Variants in GRID1 observed in about 807,000 individuals in gnomAD.
GRID1 encodes the protein glutamate ionotropic receptor delta type subunit 1.
GRID1 carries 28 observed loss-of-function variants against 98.0 expected under a neutral mutation model. The ratio of observed to expected loss-of-function variants is 0.29; its 90% confidence interval spans 0.21 to 0.39. The LOEUF is 0.39. Ranked by LOEUF, GRID1 falls within the 10% of genes least tolerant of loss-of-function variation. The pLI, the probability that GRID1 is intolerant of heterozygous loss-of-function variation, is 1.00. For synonymous variants in GRID1, 553 were observed against 538.5 expected, an observed-to-expected ratio of 1.03 and a Z score of -0.37; for missense variants, 1,111 against 1,340.5, an observed-to-expected ratio of 0.83 and a Z score of 2.67.
chr10:86,174,795 G>GA (rs1387483303), intron 3 of GRID1, among the ~76,000 whole-genome samples: 1 of 151,034 alleles, frequency 6.6e-6, no homozygotes, highest in Admixed American at 6.6e-5. Context: ...AAACTTACAA[G>GA]AAAAAAACAA....
At chr10:86,146,183 AT>A (rs1357962441) in intron 3 of GRID1, among the ~76,000 whole-genome samples, 1 of 152,212 alleles carries the variant, frequency 6.6e-6, no homozygotes, top group African/African-American at 2.4e-5. Context: ...ATATATATAC[AT>A]GAAGGCTGCC....
intron 3 of GRID1, among the ~76,000 whole-genome samples, chr10:86,164,636 A>T (rs1845371809): frequency 6.6e-6 from 1 of 152,176 alleles, no homozygotes; most frequent in Admixed American, 6.5e-5. Flanking sequence ...GGTCAGGGAG[A>T]GTTTCCCAAG....
chr10:86,140,085 G>A (rs941977322), intron 3 of GRID1, among the ~76,000 whole-genome samples: 1 of 152,216 alleles, frequency 6.6e-6, no homozygotes, highest in African/African-American at 2.4e-5. Flanking sequence ...AGTTCCATGA[G>A]CCAGTGAATG....
chr10:86,352,736 C>A (rs1347218005), intron 2 of GRID1, among the ~76,000 whole-genome samples: 4 of 152,188 alleles, frequency 2.6e-5, no homozygotes, highest in Non-Finnish European at 4.4e-5. Context: ...CACTTCTAGA[C>A]CTTCCCCCAG....
intron 12 of GRID1, among the ~76,000 whole-genome samples, chr10:85,678,289 TG>T (rs1213752239): frequency 6.6e-6 from 1 of 151,766 alleles, no homozygotes; most frequent in Non-Finnish European, 1.5e-5. Context: ...AGCAGAGGAG[TG>T]ATTTTTTGTT....
At position 86,118,420 on chromosome 10, in the gene GRID1, A is replaced by G. The variant is rs561797511; in HGVS notation, c.726+20399T>C. Among the ~76,000 whole-genome samples the G allele has an allele frequency of 1.3e-3, 198 of 152,260 alleles. 1 individual carries two copies. Among genetic ancestry groups the G allele is most frequent in the African/African-American group, 4.5e-3 (189 of 41,540 alleles). ...GTGATGGGTGCACCAAAATCTCAGA[A>G]ATCACCACTAAAGAATTTATTCATG... On this transcript the variant is annotated intron_variant, in intron 4 of 15. Coordinates refer to ENST00000327946, the MANE Select transcript of GRID1 (RefSeq NM_017551.3).
At chr10:85,962,053 G>A (rs1427094318) in intron 4 of GRID1, among the ~76,000 whole-genome samples, 1 of 152,246 alleles carries the variant, frequency 6.6e-6, no homozygotes, top group Admixed American at 6.5e-5. Flanking sequence ...AGGAAGAAAG[G>A]CAGAGGGAGG....
At chr10:86,356,661 G>A (rs1310232904) in intron 2 of GRID1, among the ~76,000 whole-genome samples, 3 of 152,274 alleles carry the variant, frequency 2.0e-5, no homozygotes, top group Non-Finnish European at 4.4e-5. Context: ...CATGAAAGCT[G>A]CTGGGAGTTT....
chr10:86,340,828 C>T (rs2132109643), intron 2 of GRID1, among the ~76,000 whole-genome samples: 1 of 152,224 alleles, frequency 6.6e-6, no homozygotes, highest in East Asian at 1.9e-4. Context: ...TGCCTGGAGG[C>T]GGTGGCCCTG....
intron 12 of GRID1, among the ~76,000 whole-genome samples, chr10:85,677,838 G>A (rs919323453): frequency 2.0e-5 from 3 of 152,122 alleles, no homozygotes; most frequent in Non-Finnish European, 2.9e-5. Context: ...ACAATGGGGG[G>A]AGGTGAAGAG....
At chr10:85,801,007 ATTAT>A (rs1037706800) in intron 8 of GRID1, among the ~76,000 whole-genome samples, 2 of 152,036 alleles carry the variant, frequency 1.3e-5, no homozygotes, top group African/African-American at 4.8e-5. Context: ...AACCTCTGGG[ATTAT>A]TGATTTGGAG....
chr10:85,735,803 A>G (rs1381180520), intron 8 of GRID1, among the ~76,000 whole-genome samples: 1 of 149,848 alleles, frequency 6.7e-6, no homozygotes, highest in Admixed American at 6.7e-5. Context: ...GAAGGGAGGA[A>G]GGAAGGAGGG....
intron 4 of GRID1, among the ~76,000 whole-genome samples, chr10:85,962,986 C>T (rs1378067968): frequency 1.3e-5 from 2 of 152,178 alleles, no homozygotes; most frequent in African/African-American, 2.4e-5. Flanking sequence ...CTCTGCTAGG[C>T]ATAAGAAGCA....
rs528968054 is a variant in GRID1 at position 85,687,725 on chromosome 10, G to A, written c.1997+35278C>T. 5.1e-3 allele frequency among the ~76,000 whole-genome samples: 772 copies of A among 152,232 alleles called. 2 individuals carry two copies. Among genetic ancestry groups the A allele is most frequent in the African/African-American group, 0.018 (729 of 41,542 alleles). ...ATGGCAGAAACAGAGAGTATGAGAC[G>A]AGGGATTTTAAAAAGAACACAAACG... On this transcript the variant is annotated intron_variant, in intron 12 of 15. Coordinates refer to ENST00000327946, the MANE Select transcript of GRID1 (RefSeq NM_017551.3).
intron 8 of GRID1, among the ~76,000 whole-genome samples, chr10:85,768,616 C>T (rs1842221190): frequency 6.6e-6 from 1 of 152,058 alleles, no homozygotes; most frequent in South Asian, 2.1e-4. Context: ...AAAACAAATG[C>T]CTCTAAAACA....
chr10:85,629,662 T>C (rs77471697), intron 13 of GRID1, among the ~76,000 whole-genome samples: 3,637 of 152,352 alleles, frequency 0.024, 153 homozygotes, highest in African/African-American at 0.081. Context: ...ATCTTTGCTA[T>C]TGTGAATAGA....
chr10:85,691,026 T>C lies in GRID1; in HGVS notation c.1997+31977A>G, dbSNP rs112249935. Reference sequence around the variant, plus strand: ...CAACACAATGCTGAATCATATGATGTCTAATTTAATTAATTGACATAATCC... The same window carrying C: ...CAACACAATGCTGAATCATATGATGCCTAATTTAATTAATTGACATAATCC... On this transcript the variant is annotated intron_variant, in intron 12 of 15. Coordinates refer to ENST00000327946, the MANE Select transcript of GRID1 (RefSeq NM_017551.3). Among the ~76,000 whole-genome samples the C allele has an allele frequency of 3.9e-3, 598 of 152,304 alleles. 5 individuals carry two copies. The highest frequency in any genetic ancestry group is 0.013 in the African/African-American group (547 of 41,564).
At chr10:85,862,900 A>G (rs1221274321) in intron 6 of GRID1, among the ~76,000 whole-genome samples, 2 of 152,176 alleles carry the variant, frequency 1.3e-5, no homozygotes, top group Non-Finnish European at 2.9e-5. Context: ...GAGGGCAGGG[A>G]AGCAAGCAAG....
chr10:85,947,244 G>A (rs184865663), intron 4 of GRID1, among the ~76,000 whole-genome samples: 142 of 152,258 alleles, frequency 9.3e-4, no homozygotes, highest in African/African-American at 3.2e-3. Flanking sequence ...GTGGTTTGAG[G>A]TAAGTACCCA....
Sources: gnomAD v4.1 joint callset for allele counts (sites outside exome capture counted in the v4.1 genomes callset) on GRCh38, gnomAD v4.1.1 for gene constraint, MANE v1.5 for transcripts, NCBI Gene and HGNC (gene_info 2026-07-23, HGNC 2026-07-21) for gene names.